Variants in SAMD14 observed in about 807,000 individuals in gnomAD.
SAMD14 encodes sterile alpha motif domain containing 14, also known as sterile alpha motif domain-containing protein 14.
A neutral mutation model predicts 46.2 loss-of-function variants in SAMD14; 27 were observed. The observed-to-expected ratio is 0.58, with a 90% CI of 0.43 to 0.81. The LOEUF is 0.81. Ranked by LOEUF, SAMD14 falls within the 30% of genes least tolerant of loss-of-function variation. The pLI is 0.00. For missense variants in SAMD14, 559 were observed against 582.2 expected (o/e 0.96, Z 0.41); for synonymous variants, 241 against 254.3 (o/e 0.95, Z 0.50).
chr17:50,111,213 C>T lies in SAMD14; in HGVS notation c.*1680G>A, dbSNP rs912333012. The T allele has an allele frequency of 5.9e-5, 9 of 152,324 alleles. No individual in the cohort carries two copies. Among genetic ancestry groups the T allele is most frequent in the African/African-American group, 2.2e-4 (9 of 41,478 alleles). 9.4% of individuals were successfully genotyped at this position (152,324 alleles called of 1,614,324 possible). ...ACTGGGCAAAGCCATCTGTTCAGAA[C>T]GCCGGATGGCCCAGCACCTGGTGAC... On this transcript the variant is annotated 3_prime_UTR_variant, in exon 10 of 10. Coordinates refer to ENST00000330175, the MANE Select transcript of SAMD14 (RefSeq NM_001257359.2).
chr17:50,118,121 G>A (rs1275176533), intron 3 of SAMD14, 40 bp downstream of exon 3: 1 of 1,532,912 alleles, frequency 6.5e-7, no homozygotes, highest in African/African-American at 1.4e-5. Flanking sequence ...GAGAGGGAGG[G>A]GTGGGAGGGT....
At chr17:50,119,045 C>G (rs1911381298) in intron 2 of SAMD14, among the ~76,000 whole-genome samples, 1 of 152,186 alleles carries the variant, frequency 6.6e-6, no homozygotes, top group African/African-American at 2.4e-5. Flanking sequence ...GGGTCTCACT[C>G]AGAGATAGCA....
At chr17:50,117,926 C>T in intron 3 of SAMD14, 1 of 637,842 alleles carries the variant, frequency 1.6e-6, no homozygotes, top group Non-Finnish European at 2.5e-6. Context: ...TGTGACTTTG[C>T]TCCTGGACCT....
In SAMD14 at chr17:50,110,386, CCT is replaced by C. The variant is rs1910768824; in HGVS notation, c.*2505_*2506del. The stretch of plus-strand genomic sequence containing the variant: ...AGAGACATTTTCCCATGGCAGTCCT[CCT>C]CTCTGAGACCAGGGCTGTCACTTTT... On this transcript the variant is annotated 3_prime_UTR_variant, in exon 10 of 10. Coordinates refer to ENST00000330175, the MANE Select transcript of SAMD14 (RefSeq NM_001257359.2). 1 of 277,522 alleles carries C rather than the reference CCT, an allele frequency of 3.6e-6. No individual in the cohort carries two copies. Among genetic ancestry groups the C allele is most frequent in the African/African-American group, 2.2e-5 (1 of 46,130 alleles). 17.2% of individuals were successfully genotyped at this position (277,522 alleles called of 1,614,324 possible). A position where few individuals can be genotyped will look rare whatever the true frequency, so the allele number is the denominator to read the frequency against.
rs1157640805 is a variant in SAMD14 at position 50,115,542 on chromosome 17, G to A, written c.822+22C>T. 6.6e-7 allele frequency: 1 copy of A among 1,512,686 alleles called. No homozygotes were observed. 93.7% of individuals were successfully genotyped at this position (1,512,686 alleles called of 1,614,324 possible). A position where few individuals can be genotyped will look rare whatever the true frequency, so the allele number is the denominator to read the frequency against. On this transcript the variant is annotated intron_variant, in intron 7 of 9. Transcript: ENST00000330175. This position sits in a 1 kb window ranked among gnomAD's most constrained non-coding sequence, Gnocchi z 5.3. ...ACCTGAGACTGGGGGCCAGTTTGGGGACAAGAAAGGCATGGACTTACCTGG... is the reference window on the plus strand; with the variant it reads ...ACCTGAGACTGGGGGCCAGTTTGGGAACAAGAAAGGCATGGACTTACCTGG...
intron 4 of SAMD14, 127 bp downstream of exon 4, chr17:50,117,280 T>C: frequency 3.2e-6 from 3 of 938,102 alleles, no homozygotes; most frequent in Non-Finnish European, 4.2e-6. Flanking sequence ...GCGGCGGCGT[T>C]TACTCTTCAC....
At position 50,114,209 on chromosome 17, in the gene SAMD14, G is replaced by C; in HGVS notation, c.920C>G (p.Thr307Arg). The C allele has an allele frequency of 6.2e-7, 1 of 1,614,188 alleles. No individual in the cohort carries two copies. Among genetic ancestry groups the C allele is most frequent in the South Asian group, 1.1e-5 (1 of 91,088 alleles). The change falls in exon 8 of 10, where the codon ACG becomes AGG. Residue 307 changes from threonine to arginine, a missense_variant. Physicochemically the swap from Thr to Arg is moderately conservative, Grantham distance 71 (BLOSUM62 -1). Transcript: ENST00000330175. ...CACCTCATCTGAAGACTGAGACAGC[G>C]TGTGGTAGGGGTAAGAACATTTGGC... ...QEAKCSYPYHTLSQSSDEFLD... is the reference protein window; with the variant it reads ...QEAKCSYPYHRLSQSSDEFLD...
chr17:50,118,445 T>A, intron 2 of SAMD14, 118 bp from the exon 3 acceptor site: 1 of 1,229,158 alleles, frequency 8.1e-7, no homozygotes. Context: ...TGTTCTTGAG[T>A]GCTGGGAGCA....
intron 4 of SAMD14, among the ~76,000 whole-genome samples, chr17:50,116,774 C>T (rs1458000882): frequency 6.6e-6 from 1 of 152,146 alleles, no homozygotes; most frequent in African/African-American, 2.4e-5. Flanking sequence ...TGTTCCTAGC[C>T]AGGCCAAGCA....
chr17:50,114,457 A>T, intron 7 of SAMD14, 151 bp from the exon 8 acceptor site: 1 of 1,608,606 alleles, frequency 6.2e-7, no homozygotes, highest in Non-Finnish European at 8.5e-7. Flanking sequence ...ACAGGACATG[A>T]TAACTCATGT....
chr17:50,123,730 AT>A (rs1911608584), intron 2 of SAMD14: 1 of 210,732 alleles, frequency 4.7e-6, no homozygotes, highest in African/African-American at 2.3e-5. Context: ...ATTCATAAAT[AT>A]TTAATGGCCT....
chr17:50,124,796 C>CACAT, intron 2 of SAMD14, 121 bp downstream of exon 2: 1 of 958,050 alleles, frequency 1.0e-6, no homozygotes, highest in East Asian at 2.4e-5. Flanking sequence ...CACACACACA[C>CACAT]ACACACACAC....
chr17:50,123,890 TAA>T (rs1185044310), intron 2 of SAMD14, among the ~76,000 whole-genome samples: 1 of 151,978 alleles, frequency 6.6e-6, no homozygotes, highest in Non-Finnish European at 1.5e-5. Context: ...GGCCTGGGCT[TAA>T]GTCAGGCCTG....
At chr17:50,128,536 A>T (rs890700040) in intron 1 of SAMD14, among the ~76,000 whole-genome samples, 3 of 151,818 alleles carry the variant, frequency 2.0e-5, no homozygotes, top group African/African-American at 7.3e-5. Context: ...AGGTAACTGC[A>T]CAAGGGTGGG....
Position 50,115,816 on chromosome 17 carries a change from T to C in SAMD14, c.662+14A>G, listed in dbSNP as rs571024682. 87 of 1,612,654 alleles carry C rather than the reference T, an allele frequency of 5.4e-5. 1 individual carries two copies. Among genetic ancestry groups the C allele is most frequent in the Non-Finnish European group, 7.2e-5 (85 of 1,179,902 alleles). On this transcript the variant is annotated intron_variant, in intron 6 of 9. Transcript: ENST00000330175. The surrounding 1 kb of genome is among the most constrained non-coding windows in gnomAD (Gnocchi z 5.3). ...GGCGGGAGCTGTGGGTGGGCCGCCATGGGCACCTCTCACCTGCTGCCCATG... is the reference window on the plus strand; with the variant it reads ...GGCGGGAGCTGTGGGTGGGCCGCCACGGGCACCTCTCACCTGCTGCCCATG...
At position 50,110,327 on chromosome 17, in the gene SAMD14, G is replaced by T; in HGVS notation, c.*2566C>A. 1 of 425,664 alleles carries T rather than the reference G, an allele frequency of 2.3e-6. No homozygotes were observed. The highest frequency in any genetic ancestry group is 4.2e-6 in the Non-Finnish European group (1 of 237,450). The allele number at this position is 425,664 out of a possible 1,614,324, so 26.4% of individuals were successfully genotyped here. A position where few individuals can be genotyped will look rare whatever the true frequency, so the allele number is the denominator to read the frequency against. On this transcript the variant is annotated 3_prime_UTR_variant, in exon 10 of 10. Transcript: ENST00000330175. The stretch of plus-strand genomic sequence containing the variant: ...CCTATCTCTGTGGGCGATGCCTGAG[G>T]GTTAGGGATGTCTCCACCCTGATGG...
At chr17:50,120,162 G>A (rs974522168) in intron 2 of SAMD14, among the ~76,000 whole-genome samples, 1 of 152,180 alleles carries the variant, frequency 6.6e-6, no homozygotes, top group South Asian at 2.1e-4. Context: ...GCTGGGTAAT[G>A]AGTTCTTGAG....
intron 2 of SAMD14, chr17:50,124,145 C>T (rs906392117): frequency 4.4e-6 from 2 of 456,280 alleles, no homozygotes; most frequent in Non-Finnish European, 8.8e-6. Context: ...CCACCGGAAT[C>T]CCGCTGGGAA....
At chr17:50,118,546 G>A (rs146044799) in intron 2 of SAMD14, among the ~76,000 whole-genome samples, 75 of 152,364 alleles carry the variant, frequency 4.9e-4, no homozygotes, top group African/African-American at 1.7e-3. Context: ...AAAATACAGC[G>A]CCGTGTGATG....
Sources: gnomAD v4.1 joint callset for allele counts (sites outside exome capture counted in the v4.1 genomes callset) on GRCh38, gnomAD v4.1.1 for gene constraint, Gnocchi (gnomAD v3.1) non-coding constraint, MANE v1.5 for transcripts, NCBI Gene and HGNC (gene_info 2026-07-23, HGNC 2026-07-21) for gene names.